The following CEP350 variants were observed in gnomAD, a reference collection of about 807,000 sequenced individuals.
CEP350 encodes the protein centrosome-associated protein 350.
A neutral mutation model predicts 331.8 loss-of-function variants in CEP350; 126 were observed. The ratio of observed to expected loss-of-function variants is 0.38; its 90% CI spans 0.33 to 0.44. The LOEUF is 0.44. CEP350 is among the 20% of genes least tolerant of loss of function. CEP350 has a pLI of 1.00. For synonymous variants in CEP350, 1,200 were observed against 1,259.5 expected (o/e 0.95, Z 1.00); for missense variants, 3,406 against 3,634.6 (o/e 0.94, Z 1.62).
At position 180,092,655 on chromosome 1, in the gene CEP350, T is replaced by G; in HGVS notation, c.6550T>G (p.Ser2184Ala). 6 of 1,610,920 alleles carry G rather than the reference T, an allele frequency of 3.7e-6. No individual in the cohort carries two copies. Among genetic ancestry groups the G allele is most frequent in the Non-Finnish European group, 5.1e-6 (6 of 1,178,584 alleles). The change falls in exon 34 of 38, where the codon TCT becomes GCT. Residue 2184 changes from serine (S) to alanine (A), a missense_variant. Physicochemically the swap from Ser to Ala is moderately conservative, Grantham distance 99 (BLOSUM62 1). This residue lies in a region of CEP350 where 1,415 missense variants were observed against 1,512.3 expected (regional missense o/e 0.94). Transcript: ENST00000367607. ...TTCTGAGAGATCAGTATCAGAAAGG[T>G]CTTTATCTGCATATGCAAAGAGAGT... ...SGSERSVSERSLSAYAKRVNE... is the reference protein window; with the variant it reads ...SGSERSVSERALSAYAKRVNE...
chr1:179,958,405 A>G (rs778531550), intron 1 of CEP350, among the ~76,000 whole-genome samples: 2 of 152,246 alleles, frequency 1.3e-5, no homozygotes, highest in Non-Finnish European at 2.9e-5. Flanking sequence ...CAAGATGTCA[A>G]TAACATTTAT....
intron 7 of CEP350, among the ~76,000 whole-genome samples, chr1:180,005,320 T>C (rs1005263968): frequency 6.6e-6 from 1 of 152,156 alleles, no homozygotes; most frequent in African/African-American, 2.4e-5. Context: ...CCCTTAAACC[T>C]GCTACTCTGG....
chr1:179,989,044 G>A (rs146876723), intron 3 of CEP350, among the ~76,000 whole-genome samples: 159 of 152,204 alleles, frequency 1.0e-3, no homozygotes, highest in African/African-American at 3.7e-3. Context: ...ACTATTGGGT[G>A]TTTTTGAAGA....
chr1:180,025,710 G>A (rs903296863), intron 14 of CEP350, among the ~76,000 whole-genome samples: 6 of 152,128 alleles, frequency 3.9e-5, no homozygotes, highest in African/African-American at 1.4e-4. Context: ...CGAACACATG[G>A]ACACGGGGAG....
intron 1 of CEP350, among the ~76,000 whole-genome samples, chr1:179,972,959 C>T (rs778941388): frequency 2.0e-5 from 3 of 151,750 alleles, no homozygotes; most frequent in South Asian, 4.2e-4. Flanking sequence ...GCTCCGCCTC[C>T]GGGGTTCACG....
At chr1:179,978,918 A>C (rs1178162862) in intron 1 of CEP350, among the ~76,000 whole-genome samples, 1 of 152,124 alleles carries the variant, frequency 6.6e-6, no homozygotes, top group Non-Finnish European at 1.5e-5. Flanking sequence ...ATCTAAAGTG[A>C]GTCTCTTATA....
At chr1:180,056,675 T>C (rs1286335916) in intron 25 of CEP350, among the ~76,000 whole-genome samples, 1 of 152,006 alleles carries the variant, frequency 6.6e-6, no homozygotes, top group East Asian at 1.9e-4. Flanking sequence ...TTACCCAGGC[T>C]GGTCTTGAAC....
At position 180,084,205 on chromosome 1, in the gene CEP350, G is replaced by T. The variant is rs747672145; in HGVS notation, c.6285+27G>T. On this transcript the variant is annotated intron_variant, in intron 31 of 37. Transcript: ENST00000367607. ...TTAGACATAGGAAGAAGGGGGTTTA[G>T]TATCAAGGCTAATGTGTATGTGACG... is the stretch of plus-strand genomic sequence containing the variant. The T allele has an allele frequency of 2.6e-6, 4 of 1,558,452 alleles. No individual in the cohort carries two copies. In the Admixed American group the frequency reaches 8.2e-5, roughly 32 times the overall value.
intron 8 of CEP350, 67 bp downstream of exon 8, chr1:180,006,634 T>C (rs1032696836): frequency 1.2e-6 from 1 of 831,970 alleles, no homozygotes; most frequent in African/African-American, 1.7e-5. Context: ...ATACTTTAAG[T>C]TTTGGGATAC....
At chr1:179,972,632 GT>G (rs1052584716) in intron 1 of CEP350, among the ~76,000 whole-genome samples, 2 of 152,076 alleles carry the variant, frequency 1.3e-5, no homozygotes, top group South Asian at 4.2e-4. Context: ...AGCCTCCTGA[GT>G]AGCTGGGATT....
chr1:179,954,863 C>T lies in CEP350; in HGVS notation c.-293C>T. The T allele has an allele frequency of 2.3e-6, 1 of 440,530 alleles. No individual in the cohort carries two copies. The highest frequency in any genetic ancestry group is 3.9e-6 in the Non-Finnish European group (1 of 256,488). 27.3% of individuals were successfully genotyped at this position (440,530 alleles called of 1,614,324 possible). A position where few individuals can be genotyped will look rare whatever the true frequency, so the allele number is the denominator to read the frequency against. Reference sequence around the variant, plus strand: ...CGCCCCTGACGAAGTGACTCCCGGGCCGGGGAGCGGGGCCAGACCTGCGCC... The same window carrying T: ...CGCCCCTGACGAAGTGACTCCCGGGTCGGGGAGCGGGGCCAGACCTGCGCC... On this transcript the variant is annotated 5_prime_UTR_variant, in exon 1 of 38. Coordinates refer to ENST00000367607, the MANE Select transcript of CEP350 (RefSeq NM_014810.5).
intron 7 of CEP350, among the ~76,000 whole-genome samples, chr1:180,005,137 A>T (rs1654172094): frequency 6.6e-6 from 1 of 151,000 alleles, no homozygotes; most frequent in African/African-American, 2.4e-5. Context: ...TCAGGGCTTT[A>T]AATGTTCCCT....
At chr1:180,019,904 A>T (rs943346187) in intron 11 of CEP350, 45 bp from the exon 12 acceptor site, 16 of 1,507,100 alleles carry the variant, frequency 1.1e-5, no homozygotes, top group Non-Finnish European at 1.4e-5. Flanking sequence ...AACTTTTTTA[A>T]AATGGTGGTT....
At chr1:180,098,198 G>A (rs952325041) in intron 36 of CEP350, among the ~76,000 whole-genome samples, 8 of 152,108 alleles carry the variant, frequency 5.3e-5, no homozygotes, top group South Asian at 4.1e-4. Context: ...TCGAACTCCC[G>A]ACCTCAGGTG....
chr1:179,960,270 T>TG (rs1414774705), intron 1 of CEP350, among the ~76,000 whole-genome samples: 22 of 148,776 alleles, frequency 1.5e-4, no homozygotes, highest in African/African-American at 5.4e-4. Context: ...CTCTCTGATG[T>TG]GGGAGGAAAC....
chr1:180,065,482 TA>T (rs1482896073), intron 27 of CEP350, among the ~76,000 whole-genome samples: 1 of 152,016 alleles, frequency 6.6e-6, no homozygotes, highest in Non-Finnish European at 1.5e-5. Context: ...TTTCTTACTT[TA>T]AAAAACCGAA....
intron 15 of CEP350, among the ~76,000 whole-genome samples, chr1:180,032,632 C>T (rs1400590469): frequency 6.6e-6 from 1 of 151,682 alleles, no homozygotes; most frequent in Non-Finnish European, 1.5e-5. Flanking sequence ...ATTGTTTAAC[C>T]TCTTTTTTTT....
intron 8 of CEP350, among the ~76,000 whole-genome samples, chr1:180,008,912 A>G (rs1442845613): frequency 6.6e-6 from 1 of 152,218 alleles, no homozygotes; most frequent in Non-Finnish European, 1.5e-5. Context: ...TGTGACACCC[A>G]TTGTTAACTT....
intron 7 of CEP350, among the ~76,000 whole-genome samples, chr1:180,004,910 T>TTGCTTGCTTG (rs1558093178): frequency 4.9e-3 from 211 of 42,792 alleles, no homozygotes; most frequent in Middle Eastern, 9.6e-3. Flanking sequence ...TTGCTTGCTT[T>TTGCTTGCTTG]CTTTCTTTCT....
Sources: allele counts gnomAD v4.1 joint callset (sites outside exome capture counted in the v4.1 genomes callset), GRCh38; gene constraint gnomAD v4.1.1; regional missense constraint gnomAD v4.1.1; transcripts MANE v1.5; gene names NCBI Gene and HGNC (gene_info 2026-07-23, HGNC 2026-07-21).